The following PRMT3 variants were observed in gnomAD, a reference collection of about 807,000 sequenced individuals.
The protein encoded by PRMT3 is protein arginine methyltransferase 3.
PRMT3 carries 62 observed loss-of-function variants against 71.9 expected under a neutral mutation model. The ratio of observed to expected loss-of-function variants is 0.86; its 90% CI spans 0.70 to 1.07. The LOEUF is 1.07. Among genes scored for constraint, PRMT3 ranks in the 50% least tolerant of loss-of-function variants. The probability of loss-of-function intolerance (pLI) is 0.00; values close to 1 mark genes in which losing one functional copy is unlikely to be tolerated. For synonymous variants in PRMT3, 213 were observed against 220.4 expected, an observed-to-expected ratio of 0.97 and a Z score of 0.30; for missense variants, 663 against 643.0, an observed-to-expected ratio of 1.03 and a Z score of -0.34.
At position 20,387,861 on chromosome 11, in the gene PRMT3, G is replaced by A. The variant is rs1477671253; in HGVS notation, c.28+87G>A. 1 of 1,532,412 alleles carries A rather than the reference G, an allele frequency of 6.5e-7. No individual in the cohort carries two copies. Among genetic ancestry groups the A allele is most frequent in the Non-Finnish European group, 8.8e-7 (1 of 1,138,590 alleles). The allele number at this position is 1,532,412 out of a possible 1,614,324, so 94.9% of individuals were successfully genotyped here. Reference sequence around the variant, plus strand: ...CGGTGGAAGACCCTCCGGGACACGGGCCCGGGCAGGGTGGGGGGCTCGCAG... The same window carrying A: ...CGGTGGAAGACCCTCCGGGACACGGACCCGGGCAGGGTGGGGGGCTCGCAG... On this transcript the variant is annotated intron_variant, in intron 1 of 15. Coordinates refer to ENST00000331079, the MANE Select transcript of PRMT3 (RefSeq NM_005788.4). This position sits in a 1 kb window ranked among gnomAD's most constrained non-coding sequence, Gnocchi z 4.3.
chr11:20,476,509 G>GTA (rs1850789466), intron 13 of PRMT3, among the ~76,000 whole-genome samples: 3 of 152,152 alleles, frequency 2.0e-5, no homozygotes, highest in African/African-American at 4.8e-5. Context: ...GAGGAAAAAT[G>GTA]GAGTTAATAA....
At chr11:20,478,268 A>T (rs1850845077) in intron 13 of PRMT3, among the ~76,000 whole-genome samples, 1 of 152,202 alleles carries the variant, frequency 6.6e-6, no homozygotes, top group Non-Finnish European at 1.5e-5. Flanking sequence ...ATTAGAAGTC[A>T]TCCTTGGATA....
chr11:20,429,625 AT>A (rs907150122), intron 10 of PRMT3, among the ~76,000 whole-genome samples: 40 of 152,350 alleles, frequency 2.6e-4, no homozygotes, highest in Non-Finnish European at 4.0e-4. Context: ...TCAGGAAGGG[AT>A]AACTAAGAAC....
chr11:20,392,867 A>G (rs1476296391), intron 4 of PRMT3, 30 bp from the exon 5 acceptor site: 2 of 1,389,882 alleles, frequency 1.4e-6, no homozygotes, highest in Admixed American at 3.8e-5. Context: ...ATATGTAATG[A>G]AAAAAACATG....
rs567919376 is a variant in PRMT3 at position 20,424,827 on chromosome 11, A to G, written c.894-1939A>G. Among the ~76,000 whole-genome samples, 6 of 152,346 alleles carry G rather than the reference A, an allele frequency of 3.9e-5. No individual in the cohort carries two copies. The East Asian group carries it at 1.2e-3, about 29-fold the overall frequency. The stretch of plus-strand genomic sequence containing the variant: ...AAAGAACTCTTAGAATTCAGTAATA[A>G]GAATACAACTGGGCTAAGTGTGGCA... On this transcript the variant is annotated intron_variant, in intron 9 of 15. Coordinates refer to ENST00000331079, the MANE Select transcript of PRMT3 (RefSeq NM_005788.4).
At chr11:20,415,858 G>A (rs1038679988) in intron 9 of PRMT3, among the ~76,000 whole-genome samples, 2 of 152,148 alleles carry the variant, frequency 1.3e-5, no homozygotes, top group African/African-American at 4.8e-5. Context: ...TGTTCTTAGA[G>A]TTTGATCAAG....
chr11:20,487,453 C>G lies in PRMT3; in HGVS notation c.1348-6466C>G, dbSNP rs577328362. On this transcript the variant is annotated intron_variant, in intron 13 of 15. Coordinates refer to ENST00000331079, the MANE Select transcript of PRMT3 (RefSeq NM_005788.4). ...AAATTAGCCAGACACAAAGGACTGC[C>G]TGATGTATGATTCTTTATATATTGA... Among the ~76,000 whole-genome samples, 3 of 152,210 alleles carry G rather than the reference C, an allele frequency of 2.0e-5. No individual in the cohort carries two copies. The East Asian group carries it at 5.8e-4, about 29-fold the overall frequency.
At chr11:20,390,494 C>T (rs576632951) in intron 3 of PRMT3, among the ~76,000 whole-genome samples, 3 of 152,314 alleles carry the variant, frequency 2.0e-5, no homozygotes, top group Admixed American at 1.3e-4. Context: ...CAAAGCATGA[C>T]ATGAACTTCA....
rs775461396 is a variant in PRMT3, at chr11:20,389,739, T to C, written c.165-5T>C. On this transcript the variant is annotated splice_region_variant and splice_polypyrimidine_tract_variant and intron_variant, in intron 2 of 15. Transcript: ENST00000331079. Reference sequence around the variant, plus strand: ...ATTCCATGAAGCTATTGCTTGATTTTTCAGGTTATTCACATCTGCTGAAGA... The same window carrying C: ...ATTCCATGAAGCTATTGCTTGATTTCTCAGGTTATTCACATCTGCTGAAGA... 29 of 1,600,320 alleles carry C rather than the reference T, an allele frequency of 1.8e-5. No individual in the cohort carries two copies. The highest frequency in any genetic ancestry group is 2.4e-5 in the Non-Finnish European group (28 of 1,168,682).
At chr11:20,472,108 A>G (rs1850661046) in intron 13 of PRMT3, among the ~76,000 whole-genome samples, 1 of 152,124 alleles carries the variant, frequency 6.6e-6, no homozygotes, top group South Asian at 2.1e-4. Flanking sequence ...GGCTGAGATG[A>G]TGGAGTTTTC....
chr11:20,497,861 A>C (rs1425428249), intron 15 of PRMT3, among the ~76,000 whole-genome samples: 2 of 152,218 alleles, frequency 1.3e-5, no homozygotes, highest in African/African-American at 4.8e-5. Flanking sequence ...ACTAAGCTGC[A>C]AGTAACTTAG....
chr11:20,506,070 T>C (rs1851584064), intron 15 of PRMT3, among the ~76,000 whole-genome samples: 1 of 152,188 alleles, frequency 6.6e-6, no homozygotes, highest in Non-Finnish European at 1.5e-5. Context: ...TTGGGCAAAT[T>C]ACTTACCTTT....
chr11:20,424,389 TACATGGTTGTTTTTG>T (rs1419614573), intron 9 of PRMT3, among the ~76,000 whole-genome samples: 1 of 152,162 alleles, frequency 6.6e-6, no homozygotes, highest in Non-Finnish European at 1.5e-5. Flanking sequence ...AATCCACACA[TACATGGTTGTTTTTG>T]ACAAAGATAT....
rs1156745220 is a variant in PRMT3, at chr11:20,392,259, A to C, written c.296A>C (p.Lys99Thr). 1 of 1,562,366 alleles carries C rather than the reference A, an allele frequency of 6.4e-7. No individual in the cohort carries two copies. Among genetic ancestry groups the C allele is most frequent in the Non-Finnish European group, 8.7e-7 (1 of 1,145,558 alleles). Reference sequence around the variant, plus strand: ...AAGCTAATAAATTTTATTAGACTTAAGGTAAGTTGACAGCTTAATTTATAA... The same window carrying C: ...AAGCTAATAAATTTTATTAGACTTACGGTAAGTTGACAGCTTAATTTATAA... ...YIKLINFIRL[K>T]NPTVEYMNSI... Residue 99 changes from lysine to threonine, a missense_variant and splice_region_variant, in exon 4 of 16, where the codon AAG becomes ACG. By Grantham distance (78) the Lys-to-Thr change is moderately conservative (BLOSUM62 -1). Transcript: ENST00000331079.
chr11:20,428,592 G>T, intron 10 of PRMT3, among the ~76,000 whole-genome samples: 1 of 152,172 alleles, frequency 6.6e-6, no homozygotes, highest in East Asian at 1.9e-4. Flanking sequence ...TAGCTGGATT[G>T]AATGAATTCA....
At chr11:20,423,873 TAAAAAAAAAAA>T (rs58636447) in intron 9 of PRMT3, among the ~76,000 whole-genome samples, 22 of 27,116 alleles carry the variant, frequency 8.1e-4, no homozygotes, top group African/African-American at 1.4e-3. Flanking sequence ...GATTCTCTCT[TAAAAAAAAAAA>T]AAAAAAAAAA....
intron 15 of PRMT3, among the ~76,000 whole-genome samples, chr11:20,504,707 T>TGAGAGAGA (rs57201745): frequency 1.5e-3 from 196 of 133,634 alleles, no homozygotes; most frequent in Admixed American, 4.3e-3. Context: ...TGTGTGTGTG[T>TGAGAGAGA]GAGAGAGAGA....
chr11:20,404,170 T>TG (rs1849011984), intron 8 of PRMT3, among the ~76,000 whole-genome samples: 2 of 150,498 alleles, frequency 1.3e-5, no homozygotes, highest in East Asian at 1.9e-4. Context: ...AGTTTTTTTT[T>TG]GTATGCTTTC....
At chr11:20,422,995 GGAAGGACC>G (rs1849460488) in intron 9 of PRMT3, among the ~76,000 whole-genome samples, 1 of 152,138 alleles carries the variant, frequency 6.6e-6, no homozygotes, top group Admixed American at 6.5e-5. Flanking sequence ...ATGTAGGGAA[GGAAGGACC>G]GAAGCAGCTG....
Sources: allele counts gnomAD v4.1 joint callset (sites outside exome capture counted in the v4.1 genomes callset), GRCh38; gene constraint gnomAD v4.1.1; non-coding constraint Gnocchi (gnomAD v3.1); transcripts MANE v1.5; gene names NCBI Gene and HGNC (gene_info 2026-07-23, HGNC 2026-07-21).